SLC44A2: variants seen among roughly 807,000 people sequenced by gnomAD.
The protein encoded by SLC44A2 is choline transporter-like protein 2.
In SLC44A2, 57 loss-of-function variants were observed where a neutral mutation model predicts 90.8. The ratio of observed to expected loss-of-function variants is 0.63; its 90% CI spans 0.51 to 0.78. The LOEUF (loss-of-function observed/expected upper bound fraction) is 0.78. Among genes scored for constraint, SLC44A2 ranks in the 30% least tolerant of loss-of-function variants. SLC44A2 has a pLI of 0.00. For missense variants in SLC44A2, 794 were observed against 919.7 expected (o/e 0.86, Z 1.77); for synonymous variants, 355 against 360.7 (o/e 0.98, Z 0.18).
upstream of SLC44A2, chr19:10,625,295 G>A: frequency 3.0e-6 from 1 of 331,436 alleles, no homozygotes; most frequent in East Asian, 5.9e-5. Context: ...CCACGGAAAC[G>A]CCCTTTCAGG....
rs765632959 is a variant in SLC44A2, at chr19:10,636,686, T to C, written c.1521T>C (p.Phe507=). The C allele has an allele frequency of 5.0e-6, 8 of 1,613,544 alleles. No homozygotes were observed. The South Asian group carries it at 8.8e-5, about 18-fold the overall frequency. The change falls in exon 16 of 22, where the codon TTT becomes TTC. Residue 507 remains phenylalanine, a synonymous_variant. Transcript: ENST00000335757. ...GGTACCACACAGGCTCCCTGGCCTT[T>C]GGCGCGCTCATCCTGGCCATTGTGC... The part of the protein sequence containing the change: ...ALRYHTGSLA[F]GALILAIVQI...
intron 20 of SLC44A2, among the ~76,000 whole-genome samples, chr19:10,639,758 G>A (rs1333019679): frequency 2.0e-5 from 3 of 152,140 alleles, no homozygotes; most frequent in South Asian, 2.1e-4. Flanking sequence ...GTGGGCACCT[G>A]TAATCCCAGC....
At chr19:10,619,312 T>A (rs1391550776) in intron 1 of SLC44A2, among the ~76,000 whole-genome samples, 1 of 151,126 alleles carries the variant, frequency 6.6e-6, no homozygotes, top group African/African-American at 2.4e-5. Context: ...GTGTCTGTAG[T>A]CTCAGCCACT....
intron 20 of SLC44A2, among the ~76,000 whole-genome samples, chr19:10,639,239 C>T (rs1253841348): frequency 1.3e-5 from 2 of 152,184 alleles, no homozygotes; most frequent in Non-Finnish European, 2.9e-5. Flanking sequence ...CGACCTCAGA[C>T]CACAAACATT....
In SLC44A2 at chr19:10,631,476, G is replaced by C. The variant is rs781288207; in HGVS notation, c.443G>C (p.Gly148Ala). The C allele has an allele frequency of 6.2e-7, 1 of 1,614,104 alleles. No homozygotes were observed. Among genetic ancestry groups the C allele is most frequent in the Non-Finnish European group, 8.5e-7 (1 of 1,180,036 alleles). Residue 148 changes from glycine (G) to alanine (A), a missense_variant and splice_region_variant, in exon 7 of 22, where the codon GGA becomes GCA. Physicochemically the swap from Gly to Ala is moderately conservative, Grantham distance 60 (BLOSUM62 0). This residue lies in a region of SLC44A2 where 738 missense variants were observed against 841.1 expected (regional missense o/e 0.88). Transcript: ENST00000335757. ...ACCTCCCTCCATCTCTCTTGGCAGG[G>C]AGTGGCTGAGGTGCTTCAAGATGGT... ...FCVPGFKNNK[G>A]VAEVLQDGDC...
intron 16 of SLC44A2, 95 bp from the exon 17 acceptor site, chr19:10,637,549 T>C: frequency 8.7e-7 from 1 of 1,155,170 alleles, no homozygotes; most frequent in Non-Finnish European, 1.3e-6. Flanking sequence ...TCAGGAGACC[T>C]GGACATTGGC....
intron 1 of SLC44A2, among the ~76,000 whole-genome samples, chr19:10,602,794 C>G (rs1457722558): frequency 6.6e-6 from 1 of 152,120 alleles, no homozygotes. Context: ...CCGGGGCTCA[C>G]GGCGCATGCT....
At chr19:10,613,198 C>T (rs1918358828) in intron 1 of SLC44A2, among the ~76,000 whole-genome samples, 1 of 151,996 alleles carries the variant, frequency 6.6e-6, no homozygotes, top group Non-Finnish European at 1.5e-5. Flanking sequence ...GCTGGGACCA[C>T]AGGCATGCAC....
intron 1 of SLC44A2, among the ~76,000 whole-genome samples, chr19:10,615,276 A>G (rs1310229692): frequency 6.9e-6 from 1 of 144,664 alleles, no homozygotes; most frequent in African/African-American, 2.6e-5. Flanking sequence ...TACCAAAAAT[A>G]AAAAAAAAAA....
At chr19:10,605,418 G>A (rs1918074173) in intron 1 of SLC44A2, among the ~76,000 whole-genome samples, 1 of 152,100 alleles carries the variant, frequency 6.6e-6, no homozygotes, top group African/African-American at 2.4e-5. Flanking sequence ...AGAGGCTGAG[G>A]CAGGAGAATC....
chr19:10,639,875 T>C (rs1384609805), intron 20 of SLC44A2, among the ~76,000 whole-genome samples: 6 of 150,820 alleles, frequency 4.0e-5, no homozygotes, highest in Non-Finnish European at 8.9e-5. Flanking sequence ...AGTGAGACTC[T>C]CTCTCAAAAA....
intron 2 of SLC44A2, 118 bp downstream of exon 2, chr19:10,626,419 T>C: frequency 3.6e-6 from 3 of 843,772 alleles, no homozygotes; most frequent in Non-Finnish European, 5.9e-6. Flanking sequence ...AAACTTTTTT[T>C]TTTTTTTGAG....
intron 2 of SLC44A2, among the ~76,000 whole-genome samples, chr19:10,626,813 A>G (rs1292077407): frequency 6.9e-6 from 1 of 145,038 alleles, no homozygotes; most frequent in African/African-American, 2.5e-5. Context: ...GGAGTGGTGC[A>G]ATCTCAGCTC....
At chr19:10,620,142 C>T (rs1395868965) in intron 1 of SLC44A2, among the ~76,000 whole-genome samples, 2 of 152,006 alleles carry the variant, frequency 1.3e-5, no homozygotes, top group Admixed American at 6.6e-5. Flanking sequence ...TTTCACCACA[C>T]TCCAGACTGG....
upstream of SLC44A2, among the ~76,000 whole-genome samples, chr19:10,623,253 T>C: frequency 6.6e-6 from 1 of 152,130 alleles, no homozygotes; most frequent in East Asian, 1.9e-4. Context: ...GCCTTGCCTG[T>C]GGTCCAGGTG....
chr19:10,610,493 G>A (rs1599227559), intron 1 of SLC44A2, among the ~76,000 whole-genome samples: 1 of 150,138 alleles, frequency 6.7e-6, no homozygotes, highest in Admixed American at 6.7e-5. Flanking sequence ...CACCATGCCC[G>A]GCTGATTTTT....
upstream of SLC44A2, chr19:10,625,465 G>A (rs1405835879): frequency 1.6e-6 from 2 of 1,216,760 alleles, no homozygotes; most frequent in Non-Finnish European, 2.0e-6. Context: ...CCTTAGTCTG[G>A]GCAGCTGCCC....
At chr19:10,627,512 G>T (rs1332459892) in intron 2 of SLC44A2, among the ~76,000 whole-genome samples, 1 of 152,130 alleles carries the variant, frequency 6.6e-6, no homozygotes, top group Non-Finnish European at 1.5e-5. Flanking sequence ...CTGTACTCCA[G>T]CCTGGATGAC....
rs757224537 is a variant in SLC44A2 at position 10,631,120 on chromosome 19, A to T, written c.309A>T (p.Glu103Asp). 6.2e-7 allele frequency: 1 copy of T among 1,613,986 alleles called. No homozygotes were observed. Among genetic ancestry groups the T allele is most frequent in the Non-Finnish European group, 8.5e-7 (1 of 1,179,990 alleles). The change falls in exon 5 of 22, where the codon GAA becomes GAT. Residue 103 changes from glutamate to aspartate, a missense_variant. Physicochemically the swap from Glu to Asp is conservative, Grantham distance 45 (BLOSUM62 2). Around this residue, in one of 3 missense-constraint regions of SLC44A2, gnomAD observed 738 missense variants for 841.1 expected, o/e 0.88. Coordinates refer to ENST00000335757, the MANE Select transcript of SLC44A2 (RefSeq NM_020428.4). ...VKCASPLVLLEFQCPTPQICV... is the reference protein window; with the variant it reads ...VKCASPLVLLDFQCPTPQICV... ...GTGCCAGCCCCCTGGTTCTGCTGGA[A>T]TTCCAATGTCCCACTCCCCAGGTAA...
Sources: gnomAD v4.1 joint callset for allele counts (sites outside exome capture counted in the v4.1 genomes callset) on GRCh38, gnomAD v4.1.1 for gene constraint, gnomAD v4.1.1 regional missense constraint, MANE v1.5 for transcripts, NCBI Gene and HGNC (gene_info 2026-07-23, HGNC 2026-07-21) for gene names.